Variants in DIAPH2 observed in about 807,000 individuals in gnomAD.
The protein encoded by DIAPH2 is diaphanous related formin 2.
DIAPH2 carries 35 observed loss-of-function variants against 92.7 expected under a neutral mutation model. The observed-to-expected ratio is 0.38, with a 90% CI of 0.29 to 0.50. The LOEUF (loss-of-function observed/expected upper bound fraction) is 0.50, where lower values mean the gene tolerates loss of function less well. Among genes scored for constraint, DIAPH2 ranks in the 20% least tolerant of loss-of-function variants. DIAPH2 has a pLI of 0.94. For missense variants in DIAPH2, 701 were observed against 819.5 expected (o/e 0.86, Z 1.77); for synonymous variants, 301 against 280.4 (o/e 1.07, Z -0.73).
At chrX:96,723,421 T>C (rs1462382767) in intron 1 of DIAPH2, among the ~76,000 whole-genome samples, 1 of 111,828 alleles carries the variant, frequency 8.9e-6, no homozygotes, top group Admixed American at 9.5e-5. Context: ...TGTCCCTTTA[T>C]GTACCATCAC....
Position 97,553,025 on chromosome X carries a change from T to C in DIAPH2, c.3242-46228T>C, listed in dbSNP as rs2071231681. Among the ~76,000 whole-genome samples the C allele has an allele frequency of 4.5e-5, 5 of 112,043 alleles. No individual in the cohort carries two copies. The South Asian group carries it at 1.9e-3, about 42-fold the overall frequency. ...AACTTAATTACTACTTTAAAGGCCC[T>C]ATCTGTAAATACTGTTATATTCTGA... On this transcript the variant is annotated intron_variant, in intron 26 of 26. Transcript: ENST00000324765.
At position 97,090,656 on chromosome X, in the gene DIAPH2, A is replaced by T. The variant is rs148643812; in HGVS notation, c.2248-9038A>T. 3.4e-4 allele frequency among the ~76,000 whole-genome samples: 38 copies of T among 111,526 alleles called. No individual in the cohort carries two copies. The East Asian group carries it at 0.01, about 31-fold the overall frequency. On this transcript the variant is annotated intron_variant, in intron 19 of 26. Coordinates refer to ENST00000324765, the MANE Select transcript of DIAPH2 (RefSeq NM_006729.5). Reference sequence around the variant, plus strand: ...CTGAATGGCTCATCAAAAGAAATCCATATTGAATTGGATCAGATTAAAGGA... The same window carrying T: ...CTGAATGGCTCATCAAAAGAAATCCTTATTGAATTGGATCAGATTAAAGGA...
At chrX:97,237,100 G>A (rs1400290171) in intron 22 of DIAPH2, among the ~76,000 whole-genome samples, 1 of 112,058 alleles carries the variant, frequency 8.9e-6, no homozygotes, top group Admixed American at 9.5e-5. Flanking sequence ...AAATTTTACA[G>A]ACTAGTAATT....
At chrX:97,057,974 T>TAAA (rs747388371) in intron 17 of DIAPH2, among the ~76,000 whole-genome samples, 3 of 100,151 alleles carry the variant, frequency 3.0e-5, no homozygotes, top group African/African-American at 3.6e-5. Flanking sequence ...TTGTTGTCAG[T>TAAA]AAAAAAAAAA....
chrX:97,219,547 C>T (rs1041896971), intron 22 of DIAPH2, among the ~76,000 whole-genome samples: 35 of 111,623 alleles, frequency 3.1e-4, no homozygotes, highest in African/African-American at 1.1e-3. Flanking sequence ...TTTATAAGTG[C>T]TATAATGTTG....
At chrX:97,560,255 T>G (rs1333977240) in intron 26 of DIAPH2, among the ~76,000 whole-genome samples, 2 of 112,150 alleles carry the variant, frequency 1.8e-5, no homozygotes, top group East Asian at 5.6e-4. Flanking sequence ...TTCTGTAAGT[T>G]TAATTCAACC....
At chrX:97,162,448 A>G (rs1409455688) in intron 22 of DIAPH2, among the ~76,000 whole-genome samples, 1 of 111,182 alleles carries the variant, frequency 9.0e-6, no homozygotes, top group Non-Finnish European at 1.9e-5. Context: ...TAAATTTTGA[A>G]TTTTTCTGTT....
At chrX:97,387,147 C>T (rs766628683) in intron 25 of DIAPH2, among the ~76,000 whole-genome samples, 2 of 111,334 alleles carry the variant, frequency 1.8e-5, no homozygotes, top group East Asian at 5.6e-4. Flanking sequence ...TCACTGTAAC[C>T]TCCCAGCCAG....
chrX:97,307,169 G>A (rs935505115), intron 23 of DIAPH2, among the ~76,000 whole-genome samples: 5 of 112,044 alleles, frequency 4.5e-5, no homozygotes, highest in African/African-American at 1.6e-4. Context: ...TCACCAGGAT[G>A]ATCTTGCCAG....
intron 21 of DIAPH2, among the ~76,000 whole-genome samples, chrX:97,130,552 A>G (rs140148355): frequency 2.4e-3 from 270 of 112,121 alleles, no homozygotes; most frequent in African/African-American, 8.2e-3. Flanking sequence ...TACCTAGAAT[A>G]GTCAAATTTG....
At chrX:97,099,887 T>A (rs1462639326) in intron 20 of DIAPH2, 92 bp downstream of exon 20, 2 of 407,794 alleles carry the variant, frequency 4.9e-6, no homozygotes, top group Non-Finnish European at 7.9e-6. Flanking sequence ...TTGTCAATTA[T>A]TTTTTCATTA....
intron 4 of DIAPH2, among the ~76,000 whole-genome samples, chrX:96,795,519 T>G (rs1214450652): frequency 1.8e-5 from 2 of 112,142 alleles, no homozygotes; most frequent in African/African-American, 6.5e-5. Context: ...TTCTGTCTAC[T>G]TATTCTACCA....
chrX:97,375,468 A>T, intron 24 of DIAPH2, among the ~76,000 whole-genome samples: 1 of 111,844 alleles, frequency 8.9e-6, no homozygotes, highest in Non-Finnish European at 1.9e-5. Context: ...AAAAAAACAA[A>T]AACAAACAAA....
At chrX:97,195,008 A>C (rs1300044836) in intron 22 of DIAPH2, among the ~76,000 whole-genome samples, 1 of 112,137 alleles carries the variant, frequency 8.9e-6, no homozygotes, top group African/African-American at 3.2e-5. Context: ...AAAAGCTAAT[A>C]AAATGAATCA....
chrX:96,931,821 T>G (rs902241729), intron 10 of DIAPH2, among the ~76,000 whole-genome samples: 3 of 111,165 alleles, frequency 2.7e-5, no homozygotes, highest in Non-Finnish European at 5.7e-5. Flanking sequence ...TTGGACCTGT[T>G]AAATCCATTT....
intron 5 of DIAPH2, among the ~76,000 whole-genome samples, chrX:96,882,530 AC>A (rs976225736): frequency 9.0e-6 from 1 of 111,496 alleles, no homozygotes; most frequent in Non-Finnish European, 1.9e-5. Context: ...CTATTAACTA[AC>A]TACAAAGGAT....
chrX:96,710,981 C>T (rs60499423), intron 1 of DIAPH2, among the ~76,000 whole-genome samples: 2,112 of 112,064 alleles, frequency 0.019, 48 homozygotes, highest in African/African-American at 0.065. Context: ...ATAATTGTCT[C>T]CAACACTCCA....
At chrX:97,490,695 T>C (rs1319425478) in intron 26 of DIAPH2, among the ~76,000 whole-genome samples, 1 of 111,295 alleles carries the variant, frequency 9.0e-6, no homozygotes, top group Non-Finnish European at 1.9e-5. Context: ...TTGTTTCATT[T>C]CCACATATTT....
At chrX:96,914,111 C>T (rs1414889675) in intron 7 of DIAPH2, among the ~76,000 whole-genome samples, 1 of 110,615 alleles carries the variant, frequency 9.0e-6, no homozygotes, top group South Asian at 3.8e-4. Flanking sequence ...TATGGAAATA[C>T]ATATAAGTAT....
Sources: gnomAD v4.1 joint callset for allele counts (sites outside exome capture counted in the v4.1 genomes callset) on GRCh38, gnomAD v4.1.1 for gene constraint, MANE v1.5 for transcripts, NCBI Gene and HGNC (gene_info 2026-07-23, HGNC 2026-07-21) for gene names.